ZNF791: variants seen among roughly 807,000 people sequenced by gnomAD.
ZNF791 encodes the protein zinc finger protein 791.
ZNF791 carries 4 observed loss-of-function variants against 11.5 expected under a neutral mutation model. The observed-to-expected ratio is 0.35, with a 90% CI of 0.17 to 0.80. The LOEUF is 0.80. Ranked by LOEUF, ZNF791 falls within the 30% of genes least tolerant of loss-of-function variation. The pLI is 0.53. For synonymous variants in ZNF791, 212 were observed against 228.1 expected, an observed-to-expected ratio of 0.93 and a Z score of 0.64; for missense variants, 559 against 699.4, an observed-to-expected ratio of 0.80 and a Z score of 2.26.
At chr19:12,620,751 G>GTTTTTTTTTTTT (rs2023327234) in intron 1 of ZNF791, among the ~76,000 whole-genome samples, 1 of 71,598 alleles carries the variant, frequency 1.4e-5, no homozygotes, top group African/African-American at 6.2e-5. Context: ...GGGGATTTAT[G>GTTTTTTTTTTTT]TTCTTTTTTT....
rs918212253 is a variant in ZNF791, at chr19:12,629,380, T to C, written c.*120T>C. ...AATGTAAGTAATATAGAAAGCGAGATACAAGATGATTCATGTATAGTCAGG... is the reference window on the plus strand; with the variant it reads ...AATGTAAGTAATATAGAAAGCGAGACACAAGATGATTCATGTATAGTCAGG... On this transcript the variant is annotated 3_prime_UTR_variant, in exon 4 of 4. Transcript: ENST00000343325. The C allele has an allele frequency of 1.1e-5, 8 of 735,304 alleles. No homozygotes were observed. Among genetic ancestry groups the C allele is most frequent in the Admixed American group, 1.1e-4 (3 of 27,862 alleles). 45.5% of individuals were successfully genotyped at this position (735,304 alleles called of 1,614,324 possible). A position where few individuals can be genotyped will look rare whatever the true frequency, so the allele number is the denominator to read the frequency against.
intron 1 of ZNF791, among the ~76,000 whole-genome samples, chr19:12,621,682 C>G (rs575129096): frequency 6.9e-6 from 1 of 144,688 alleles, no homozygotes; most frequent in African/African-American, 2.6e-5. Context: ...AGAAGATTCT[C>G]AATGTGTATT....
Position 12,628,659 on chromosome 19 carries a change from C to T in ZNF791, c.1130C>T (p.Thr377Ile). The T allele has an allele frequency of 1.2e-6, 2 of 1,604,986 alleles. No individual in the cohort carries two copies. The highest frequency in any genetic ancestry group is 1.7e-6 in the Non-Finnish European group (2 of 1,176,392). Residue 377 changes from threonine to isoleucine, a missense_variant, in exon 4 of 4, where the codon ACT becomes ATT. By Grantham distance (89) the Thr-to-Ile change is moderately conservative. Transcript: ENST00000343325. Reference protein sequence around the residue: ...RISYFRIHERTHTGEKPYECK... With the variant: ...RISYFRIHERIHTGEKPYECK... ...AGTTACTTTCGAATACATGAAAGGA[C>T]TCACACTGGAGAGAAACCCTACGAA... is the stretch of plus-strand genomic sequence containing the variant.
At chr19:12,623,361 T>C (rs2023381689) in intron 1 of ZNF791, 1 of 248,912 alleles carries the variant, frequency 4.0e-6, no homozygotes, top group Non-Finnish European at 7.8e-6. Context: ...ACTGTGATTG[T>C]ACCACTGCAC....
At chr19:12,614,500 G>T (rs755905655) in intron 1 of ZNF791, among the ~76,000 whole-genome samples, 1 of 152,080 alleles carries the variant, frequency 6.6e-6, no homozygotes, top group African/African-American at 2.4e-5. Context: ...GCCTCACAAA[G>T]TGCTGAGATT....
intron 1 of ZNF791, among the ~76,000 whole-genome samples, chr19:12,615,268 G>A (rs545364898): frequency 4.1e-4 from 63 of 151,890 alleles, no homozygotes; most frequent in Admixed American, 2.8e-3. Flanking sequence ...CTCCCGCCCT[G>A]GCCTCCCACA....
chr19:12,621,809 G>T, intron 1 of ZNF791, among the ~76,000 whole-genome samples: 1 of 138,658 alleles, frequency 7.2e-6, no homozygotes, highest in Non-Finnish European at 1.6e-5. Flanking sequence ...CCCCGTCCGG[G>T]AGGTGAGGGG....
At chr19:12,615,728 G>A (rs1207537327) in intron 1 of ZNF791, among the ~76,000 whole-genome samples, 1 of 148,500 alleles carries the variant, frequency 6.7e-6, no homozygotes, top group Non-Finnish European at 1.5e-5. Flanking sequence ...GCAGTGAGCC[G>A]AGATAGTGCC....
chr19:12,627,607 C>T, intron 3 of ZNF791, 114 bp from the exon 4 acceptor site: 1 of 971,172 alleles, frequency 1.0e-6, no homozygotes, highest in East Asian at 2.5e-5. Flanking sequence ...GCCTGGGGAA[C>T]AAGAACAAGA....
rs375157352 is a variant in ZNF791 at position 12,628,588 on chromosome 19, G to A, written c.1059G>A (p.Glu353=). 6.3e-7 allele frequency: 1 copy of A among 1,598,952 alleles called. No individual in the cohort carries two copies. Among genetic ancestry groups the A allele is most frequent in the East Asian group, 2.2e-5 (1 of 44,700 alleles). Residue 353 remains glutamate, a synonymous_variant, in exon 4 of 4, where the codon GAG becomes GAA. Coordinates refer to ENST00000343325, the MANE Select transcript of ZNF791 (RefSeq NM_153358.3). ...TACACGTGAGAGTGCATACTGGAGAGAAACCCTATAAGTGTAAAGAATGTG... is the reference window on the plus strand; with the variant it reads ...TACACGTGAGAGTGCATACTGGAGAAAAACCCTATAAGTGTAAAGAATGTG... ...FRVHVRVHTG[E]KPYKCKECGK... is the part of the protein sequence containing the mutation.
Position 12,631,051 on chromosome 19 carries a change from AC to A in ZNF791, c.*1794del, listed in dbSNP as rs1378187881. 1 of 152,214 alleles carries A rather than the reference AC, an allele frequency of 6.6e-6. No homozygotes were observed. Among genetic ancestry groups the A allele is most frequent in the Admixed American group, 6.5e-5 (1 of 15,270 alleles). 9.4% of individuals were successfully genotyped at this position (152,214 alleles called of 1,614,324 possible). A position where few individuals can be genotyped will look rare whatever the true frequency, so the allele number is the denominator to read the frequency against. ...CATTCACTCACCACTCAACTGACTC[AC>A]CCAGAGCAACTTCTAGTCCTGCAAG... On this transcript the variant is annotated 3_prime_UTR_variant, in exon 4 of 4. Transcript: ENST00000343325.
chr19:12,613,488 G>A (rs1395914584), intron 1 of ZNF791, among the ~76,000 whole-genome samples: 1 of 152,124 alleles, frequency 6.6e-6, no homozygotes, highest in Non-Finnish European at 1.5e-5. Context: ...GGCTGAGGCA[G>A]GAGAATGGCG....
intron 1 of ZNF791, among the ~76,000 whole-genome samples, chr19:12,619,341 T>C (rs2023296670): frequency 6.6e-6 from 1 of 152,200 alleles, no homozygotes; most frequent in Non-Finnish European, 1.5e-5. Flanking sequence ...TACTGGATCT[T>C]GGTCAAGTTT....
chr19:12,614,510 T>A (rs1306146655), intron 1 of ZNF791, among the ~76,000 whole-genome samples: 1 of 152,148 alleles, frequency 6.6e-6, no homozygotes, highest in Non-Finnish European at 1.5e-5. Flanking sequence ...GTGCTGAGAT[T>A]ACAGGTGTGA....
intron 1 of ZNF791, among the ~76,000 whole-genome samples, chr19:12,617,312 G>A (rs2023258618): frequency 6.6e-6 from 1 of 151,816 alleles, no homozygotes; most frequent in South Asian, 2.1e-4. Context: ...TTTTAGTAGA[G>A]ATGGGGTTTC....
intron 1 of ZNF791, among the ~76,000 whole-genome samples, chr19:12,613,042 AT>A (rs1187596948): frequency 6.6e-6 from 1 of 151,582 alleles, no homozygotes; most frequent in African/African-American, 2.4e-5. Flanking sequence ...ACTGAGTGTA[AT>A]TGGTGCATAT....
intron 1 of ZNF791, among the ~76,000 whole-genome samples, chr19:12,620,753 TC>T (rs376908742): frequency 7.6e-6 from 1 of 131,978 alleles, no homozygotes; most frequent in Non-Finnish European, 1.6e-5. Context: ...GGATTTATGT[TC>T]TTTTTTTTTT....
chr19:12,625,998 C>G (rs2023421943), intron 3 of ZNF791, among the ~76,000 whole-genome samples: 1 of 151,316 alleles, frequency 6.6e-6, no homozygotes, highest in Admixed American at 6.6e-5. Context: ...GCGCGCACTA[C>G]TATACTGGGT....
chr19:12,617,938 A>G (rs2023271862), intron 1 of ZNF791, among the ~76,000 whole-genome samples: 1 of 125,646 alleles, frequency 8.0e-6, no homozygotes, highest in African/African-American at 3.2e-5. Context: ...TTTTTTTGAG[A>G]CAGAGTTTCG....
Sources: allele counts gnomAD v4.1 joint callset (sites outside exome capture counted in the v4.1 genomes callset), GRCh38; gene constraint gnomAD v4.1.1; transcripts MANE v1.5; gene names NCBI Gene and HGNC (gene_info 2026-07-23, HGNC 2026-07-21).